Variants in RABGEF1 observed in about 807,000 individuals in gnomAD.
RABGEF1 encodes rab5 GDP/GTP exchange factor.
In RABGEF1, 26 loss-of-function variants were observed where a neutral mutation model predicts 57.3. The observed-to-expected ratio is 0.45, with a 90% CI of 0.33 to 0.63. The LOEUF is 0.63. Ranked by LOEUF, RABGEF1 falls within the 20% of genes least tolerant of loss-of-function variation. The probability of loss-of-function intolerance (pLI) is 0.02; values close to 1 mark genes in which losing one functional copy is unlikely to be tolerated. For missense variants in RABGEF1, 464 were observed against 607.6 expected, an observed-to-expected ratio of 0.76 and a Z score of 2.48; for synonymous variants, 185 against 210.7, an observed-to-expected ratio of 0.88 and a Z score of 1.06.
rs746252456 is a variant in RABGEF1, at chr7:66,797,422, T to A, written c.644T>A (p.Ile215Asn). ...ATAATGGATCAGATTGAAAAGTACA[T>A]CATGACTCGTCTCTATAAATATGTA... ...EKIMDQIEKY[I>N]MTRLYKYVFC... The change falls in exon 6 of 9, where the codon ATC (isoleucine) becomes AAC (asparagine). Residue 215 changes from isoleucine to asparagine, a missense_variant. Physicochemically the swap from Ile to Asn is moderately radical, Grantham distance 149. Coordinates refer to ENST00000284957, the MANE Select transcript of RABGEF1 (RefSeq NM_014504.3). The A allele has an allele frequency of 1.7e-5, 27 of 1,611,300 alleles. No homozygotes were observed. The highest frequency in any genetic ancestry group is 8.5e-7 in the Non-Finnish European group (1 of 1,179,596).
intron 1 of RABGEF1, among the ~76,000 whole-genome samples, chr7:66,686,840 G>A (rs1452630016): frequency 1.5e-5 from 2 of 136,900 alleles, no homozygotes; most frequent in South Asian, 4.5e-4. Flanking sequence ...TTTTTTTTTT[G>A]AGATGGAGTC....
chr7:66,780,673 C>T (rs1440082592), intron 3 of RABGEF1, among the ~76,000 whole-genome samples: 1 of 152,150 alleles, frequency 6.6e-6, no homozygotes, highest in Non-Finnish European at 1.5e-5. Flanking sequence ...GAATTTGTTT[C>T]TCCTTTCAGT....
At position 66,731,021 on chromosome 7, in the gene RABGEF1, G is replaced by A. The variant is rs77948818; in HGVS notation, c.-814-8975G>A. 1.0e-3 allele frequency among the ~76,000 whole-genome samples: 154 copies of A among 152,288 alleles called. No individual in the cohort carries two copies. The East Asian group carries it at 0.028, about 27-fold the overall frequency. ...GCGCAGGGATTCGGGGCCAGGCTGC[G>A]GGCCTCCTGGTTCCTTTTTTAACCT... On this transcript the variant is annotated intron_variant and NMD_transcript_variant, in intron 2 of 9. Transcript: ENST00000607882.
intron 2 of RABGEF1, among the ~76,000 whole-genome samples, chr7:66,734,903 A>C (rs1156827523): frequency 2.0e-5 from 3 of 152,114 alleles, no homozygotes; most frequent in Admixed American, 1.3e-4. Context: ...CCACCCCACA[A>C]AACTGCTCAC....
At chr7:66,676,287 A>AAAAT in the RABGEF1 span, among the ~76,000 whole-genome samples, 324 of 150,934 alleles carry the variant, frequency 2.1e-3, 1 homozygote, top group African/African-American at 7.4e-3. Flanking sequence ...CGTTTCAAAA[A>AAAAT]ATATATATAT....
At chr7:66,767,306 GT>G (rs956670454) in intron 1 of RABGEF1, among the ~76,000 whole-genome samples, 221 of 148,488 alleles carry the variant, frequency 1.5e-3, no homozygotes, top group African/African-American at 5.1e-3. Flanking sequence ...CCCAGCCGAG[GT>G]TTTTTTTTTG....
chr7:66,769,227 T>A (rs973566357), intron 1 of RABGEF1, among the ~76,000 whole-genome samples: 12 of 152,204 alleles, frequency 7.9e-5, no homozygotes, highest in Non-Finnish European at 1.6e-4. Flanking sequence ...CCATTTTGCT[T>A]TTCAGAATCC....
chr7:66,732,727 C>G (rs1797474258), intron 2 of RABGEF1, among the ~76,000 whole-genome samples: 3 of 149,974 alleles, frequency 2.0e-5, no homozygotes, highest in South Asian at 2.1e-4. Context: ...CTCTCTCGCT[C>G]TCTCTCTCTT....
At chr7:66,703,812 G>T (rs1223952003) in intron 1 of RABGEF1, among the ~76,000 whole-genome samples, 4 of 152,150 alleles carry the variant, frequency 2.6e-5, no homozygotes, top group Non-Finnish European at 5.9e-5. Flanking sequence ...GGATAAACTT[G>T]TCCATTTCTG....
the RABGEF1 span, among the ~76,000 whole-genome samples, chr7:66,670,258 T>G: frequency 1.3e-5 from 2 of 152,124 alleles, no homozygotes; most frequent in Non-Finnish European, 2.9e-5. Context: ...TGCTCTTCCC[T>G]GCAATTCTTT....
intron 2 of RABGEF1, among the ~76,000 whole-genome samples, chr7:66,713,870 A>G (rs1161920548): frequency 6.6e-6 from 1 of 152,200 alleles, no homozygotes; most frequent in African/African-American, 2.4e-5. Context: ...CATACACTGC[A>G]TTGATTGATT....
chr7:66,713,795 TATTG>T (rs1212556044), intron 2 of RABGEF1, among the ~76,000 whole-genome samples: 1 of 152,238 alleles, frequency 6.6e-6, no homozygotes, highest in Admixed American at 6.5e-5. Flanking sequence ...CATATTGATA[TATTG>T]ATTATTTTAA....
chr7:66,746,790 A>ATT lies in RABGEF1; in HGVS notation c.-18+6008_-18+6009dup, dbSNP rs35168631. On this transcript the variant is annotated intron_variant, in intron 1 of 8. Transcript: ENST00000284957. ...GGGCTCCTGCCACCACGTCCGGCTA[A>ATT]TTTTTTTTTTTGCTGGAGTGAGACT... 4.3e-4 allele frequency among the ~76,000 whole-genome samples: 62 copies of ATT among 145,458 alleles called. 1 individual carries two copies. Among genetic ancestry groups the ATT allele is most frequent in the African/African-American group, 1.1e-3 (45 of 39,462 alleles).
intron 2 of RABGEF1, among the ~76,000 whole-genome samples, chr7:66,732,191 G>C (rs1024881662): frequency 6.6e-6 from 1 of 152,232 alleles, no homozygotes; most frequent in African/African-American, 2.4e-5. Context: ...GGGCCTCGGT[G>C]CCTGGAGCAC....
At chr7:66,704,313 A>G (rs1349025120) in intron 1 of RABGEF1, among the ~76,000 whole-genome samples, 2 of 152,208 alleles carry the variant, frequency 1.3e-5, no homozygotes, top group Non-Finnish European at 2.9e-5. Context: ...AAAAAATTTC[A>G]GAGTTCCAGA....
chr7:66,720,956 C>T (rs1411125533), intron 2 of RABGEF1, among the ~76,000 whole-genome samples: 3 of 152,130 alleles, frequency 2.0e-5, no homozygotes, highest in Non-Finnish European at 2.9e-5. Flanking sequence ...CTTACTCTGT[C>T]GCCCAAGCTT....
chr7:66,669,839 C>T, the RABGEF1 span: 2 of 152,304 alleles, frequency 1.3e-5, no homozygotes, highest in Admixed American at 6.6e-5. Context: ...TTTGGATCAT[C>T]TCACCCTCAC....
intron 1 of RABGEF1, among the ~76,000 whole-genome samples, chr7:66,701,422 C>T (rs984211143): frequency 8.6e-5 from 13 of 151,984 alleles, no homozygotes; most frequent in Admixed American, 7.9e-4. Flanking sequence ...GGATCTGAGC[C>T]CAGGAGGTTG....
intron 3 of RABGEF1, among the ~76,000 whole-genome samples, chr7:66,775,696 T>C (rs1808353200): frequency 6.6e-6 from 1 of 152,248 alleles, no homozygotes; most frequent in Non-Finnish European, 1.5e-5. Context: ...TTGGTTTTTG[T>C]GCCTTTATTT....
Sources: gnomAD v4.1 joint callset for allele counts (sites outside exome capture counted in the v4.1 genomes callset) on GRCh38, gnomAD v4.1.1 for gene constraint, MANE v1.5 for transcripts, NCBI Gene and HGNC (gene_info 2026-07-23, HGNC 2026-07-21) for gene names.